Variants in PTPRN2 observed in about 807,000 individuals in gnomAD.
The protein encoded by PTPRN2 is protein tyrosine phosphatase receptor type N2.
A neutral mutation model predicts 118.8 loss-of-function variants in PTPRN2; 74 were observed. The observed-to-expected ratio is 0.62, with a 90% CI of 0.52 to 0.76. The LOEUF (loss-of-function observed/expected upper bound fraction) is 0.76. Ranked by LOEUF, PTPRN2 falls within the 30% of genes least tolerant of loss-of-function variation. The pLI is 0.00. For synonymous variants in PTPRN2, 641 were observed against 608.0 expected, an observed-to-expected ratio of 1.05 and a Z score of -0.80; for missense variants, 1,481 against 1,394.4, an observed-to-expected ratio of 1.06 and a Z score of -0.99.
At chr7:158,234,923 C>A (rs189724357) in intron 3 of PTPRN2, among the ~76,000 whole-genome samples, 1 of 152,086 alleles carries the variant, frequency 6.6e-6, no homozygotes, top group Admixed American at 6.6e-5. Flanking sequence ...CCACCACACC[C>A]GGCTAATTTT....
intron 11 of PTPRN2, among the ~76,000 whole-genome samples, chr7:157,942,799 A>G (rs1334296956): frequency 1.3e-5 from 2 of 152,166 alleles, no homozygotes; most frequent in Non-Finnish European, 2.9e-5. Flanking sequence ...CTCTGATGAC[A>G]GGCAGTGGCA....
chr7:157,578,721 A>G (rs1380174428), intron 17 of PTPRN2, among the ~76,000 whole-genome samples: 4 of 152,264 alleles, frequency 2.6e-5, no homozygotes, highest in African/African-American at 9.6e-5. Context: ...TTGAAACACA[A>G]TAAACAAAAG....
chr7:158,009,172 A>C (rs1805868885), intron 11 of PTPRN2, among the ~76,000 whole-genome samples: 1 of 152,122 alleles, frequency 6.6e-6, no homozygotes, highest in Non-Finnish European at 1.5e-5. Context: ...GTTCCCATGC[A>C]CAAGGCGACG....
chr7:157,844,808 C>T (rs184485709), intron 12 of PTPRN2, among the ~76,000 whole-genome samples: 8 of 152,310 alleles, frequency 5.3e-5, no homozygotes, highest in Admixed American at 2.6e-4. Flanking sequence ...CTGCATCTGA[C>T]GAGATAGCAG....
rs371313927 is a variant in PTPRN2 at position 158,522,470 on chromosome 7, G to A, written c.113-32685C>T. On this transcript the variant is annotated intron_variant, in intron 1 of 22. Coordinates refer to ENST00000389418, the MANE Select transcript of PTPRN2 (RefSeq NM_002847.5). ...TAGACTGTTTAGGAGAAAGGTCCACGTCAGAATGGTGGACTGTTTTAAGAG... is the reference window on the plus strand; with the variant it reads ...TAGACTGTTTAGGAGAAAGGTCCACATCAGAATGGTGGACTGTTTTAAGAG... Among the ~76,000 whole-genome samples the A allele has an allele frequency of 8.9e-4, 134 of 150,656 alleles. 4 individuals carry two copies. The highest frequency in any genetic ancestry group is 2.8e-3 in the African/African-American group (115 of 40,380).
chr7:157,917,664 T>G (rs899770031), intron 11 of PTPRN2, among the ~76,000 whole-genome samples: 4 of 152,336 alleles, frequency 2.6e-5, no homozygotes, highest in South Asian at 2.1e-4. Flanking sequence ...CAAATGATTT[T>G]TTTTCAGTCT....
intron 11 of PTPRN2, among the ~76,000 whole-genome samples, chr7:157,924,381 G>C (rs2128772411): frequency 6.6e-6 from 1 of 152,312 alleles, no homozygotes; most frequent in South Asian, 2.1e-4. Context: ...ACAGCCCCTG[G>C]AGGAGAACCG....
rs1261410879 is a variant in PTPRN2 at position 158,110,894 on chromosome 7, T to G, written c.1578A>C (p.Gly526=). 7 of 1,576,776 alleles carry G rather than the reference T, an allele frequency of 4.4e-6. No individual in the cohort carries two copies. The highest frequency in any genetic ancestry group is 6.0e-6 in the Non-Finnish European group (7 of 1,161,746). ...GGGCGACGTCCTCCACCAGCCGCCT[T>G]CCTTCCTCGGGGCGCAGGGGGCTGC... The part of the protein sequence containing the change: ...TDRDPLRPEE[G]RRLVEDVARL... Residue 526 remains glycine (G), a synonymous_variant, in exon 10 of 23, where the codon GGA becomes GGC. Coordinates refer to ENST00000389418, the MANE Select transcript of PTPRN2 (RefSeq NM_002847.5).
At chr7:158,097,904 C>T (rs184278973) in intron 10 of PTPRN2, among the ~76,000 whole-genome samples, 1 of 152,306 alleles carries the variant, frequency 6.6e-6, no homozygotes, top group East Asian at 1.9e-4. Flanking sequence ...GCATCCTGTC[C>T]GCCTCTTTTC....
chr7:157,633,139 C>A (rs1804066292), intron 14 of PTPRN2, among the ~76,000 whole-genome samples: 1 of 148,466 alleles, frequency 6.7e-6, no homozygotes, highest in African/African-American at 2.6e-5. Context: ...AGTTTCTTTT[C>A]TTTTCTTTTT....
chr7:157,790,369 C>T (rs1804410569), intron 12 of PTPRN2, among the ~76,000 whole-genome samples: 1 of 151,744 alleles, frequency 6.6e-6, no homozygotes, highest in Non-Finnish European at 1.5e-5. Flanking sequence ...GGTTTGGGTT[C>T]AGGTCCTGGA....
intron 3 of PTPRN2, among the ~76,000 whole-genome samples, chr7:158,271,063 A>ACCCCGTCCACCTGGGCCG (rs1798470014): frequency 3.8e-5 from 1 of 26,484 alleles, no homozygotes; most frequent in African/African-American, 1.8e-4. Context: ...AACCTGGGCC[A>ACCCCGTCCACCTGGGCCG]CCCCCTCCAC....
intron 5 of PTPRN2, among the ~76,000 whole-genome samples, chr7:158,180,330 CTATGTGCCTACTCTTCTACCAG>C (rs1249626774): frequency 6.6e-6 from 1 of 152,202 alleles, no homozygotes; most frequent in African/African-American, 2.4e-5. Flanking sequence ...TTCCATTGGT[CTATGTGCCTACTCTTCTACCAG>C]TACCATGCTG....
rs191638589 is a variant in PTPRN2, at chr7:158,545,116, A to C, written c.112+42442T>G. On this transcript the variant is annotated intron_variant, in intron 1 of 22. Coordinates refer to ENST00000389418, the MANE Select transcript of PTPRN2 (RefSeq NM_002847.5). ...GGAGCTGGCTCTCACTTCCAGCCTC[A>C]ACATCCACCGGGTTTTTCTGGACTT... 9.3e-4 allele frequency among the ~76,000 whole-genome samples: 141 copies of C among 152,326 alleles called. 1 individual carries two copies. Among genetic ancestry groups the C allele is most frequent in the African/African-American group, 3.1e-3 (130 of 41,572 alleles).
chr7:158,049,989 T>C (rs1279212496), intron 11 of PTPRN2, among the ~76,000 whole-genome samples: 1 of 152,142 alleles, frequency 6.6e-6, no homozygotes, highest in African/African-American at 2.4e-5. Context: ...CTGAAGGAGT[T>C]GAAAGGGGCA....
rs116507252 is a variant in PTPRN2, at chr7:158,259,965, C to T, written c.278-54692G>A. Among the ~76,000 whole-genome samples, 38 of 148,308 alleles carry T rather than the reference C, an allele frequency of 2.6e-4. 5 individuals carry two copies. The highest frequency in any genetic ancestry group is 8.9e-4 in the African/African-American group (35 of 39,156). On this transcript the variant is annotated intron_variant, in intron 3 of 22. Transcript: ENST00000389418. ...TGGTATACACATATGTATTTGTCCA[C>T]GCGTCCCTTTGTGTACACATATGTG...
chr7:158,018,990 A>G (rs554394343), intron 11 of PTPRN2, among the ~76,000 whole-genome samples: 7,761 of 149,770 alleles, frequency 0.052, 287 homozygotes, highest in Admixed American at 0.087. Context: ...AAAAAAAAAA[A>G]AGAGAATATA....
Position 158,192,407 on chromosome 7 carries a change from A to G in PTPRN2, c.469T>C (p.Phe157Leu), listed in dbSNP as rs1825843596. 1.3e-6 allele frequency: 2 copies of G among 1,537,704 alleles called. No homozygotes were observed. Residue 157 changes from phenylalanine (F) to leucine (L), a missense_variant, in exon 5 of 23, where the codon TTC (phenylalanine) becomes CTC (leucine). Transcript: ENST00000389418. ...GGGGCCTGGGACAGGGCCTCCAGGA[A>G]GGGCAGGTGGCGTCGGAGGGCGTTG... ...LANALRRHLPFLEALSQAPAS... is the reference protein window; with the variant it reads ...LANALRRHLPLLEALSQAPAS...
At chr7:158,267,422 TGTGA>T (rs1377095427) in intron 3 of PTPRN2, among the ~76,000 whole-genome samples, 2 of 152,178 alleles carry the variant, frequency 1.3e-5, no homozygotes, top group Non-Finnish European at 2.9e-5. Context: ...CATGTTTTTG[TGTGA>T]GTGTTGATTG....
Sources: allele counts gnomAD v4.1 joint callset (sites outside exome capture counted in the v4.1 genomes callset), GRCh38; gene constraint gnomAD v4.1.1; transcripts MANE v1.5; gene names NCBI Gene and HGNC (gene_info 2026-07-23, HGNC 2026-07-21).